The following ARMC8 variants were observed in gnomAD, a reference collection of about 807,000 sequenced individuals.
ARMC8 encodes armadillo repeat containing 8.
Under a neutral mutation model 99.3 loss-of-function variants are expected in ARMC8, and 20 were observed. That is an observed-to-expected ratio of 0.20 (90% confidence interval 0.14 to 0.29). The LOEUF (loss-of-function observed/expected upper bound fraction) is 0.29, where lower values mean the gene tolerates loss of function less well. Ranked by LOEUF, ARMC8 falls within the 10% of genes least tolerant of loss-of-function variation. The probability of loss-of-function intolerance (pLI) is 1.00; values close to 1 mark genes in which losing one functional copy is unlikely to be tolerated. For synonymous variants in ARMC8, 263 were observed against 278.3 expected (o/e 0.95, Z 0.55); for missense variants, 569 against 809.5 (o/e 0.70, Z 3.60).
At chr3:138,278,572 C>G (rs947415044) in intron 18 of ARMC8, among the ~76,000 whole-genome samples, 1 of 151,738 alleles carries the variant, frequency 6.6e-6, no homozygotes, top group Non-Finnish European at 1.5e-5. Flanking sequence ...TACTGTATTT[C>G]ATAATTCTGT....
intron 17 of ARMC8, among the ~76,000 whole-genome samples, chr3:138,273,471 C>T (rs2048974664): frequency 6.6e-6 from 1 of 152,208 alleles, no homozygotes; most frequent in Non-Finnish European, 1.5e-5. Flanking sequence ...TCTCTGGGGC[C>T]TCTGCTTCTT....
chr3:138,255,264 G>A (rs1275073618), intron 12 of ARMC8, among the ~76,000 whole-genome samples: 5 of 148,494 alleles, frequency 3.4e-5, no homozygotes, highest in African/African-American at 5.0e-5. Flanking sequence ...GTGCAGTGGC[G>A]TGATCTCGGC....
chr3:138,263,164 A>T (rs1346425645), intron 12 of ARMC8, among the ~76,000 whole-genome samples: 1 of 152,252 alleles, frequency 6.6e-6, no homozygotes, highest in Non-Finnish European at 1.5e-5. Context: ...GATGAAGGAA[A>T]ATTGCAGGTT....
rs2044597610 is a variant in ARMC8, at chr3:138,209,869, C to T, written c.98C>T (p.Pro33Leu). The T allele has an allele frequency of 6.2e-7, 1 of 1,613,626 alleles. No homozygotes were observed. The highest frequency in any genetic ancestry group is 2.2e-5 in the East Asian group (1 of 44,850). ...GTTGACAGGCTATTTGACCCTGATC[C>T]CCAGAAAGTTCTACAAGGTGTCATG... ...HYVDRLFDPD[P>L]QKVLQGVIDM... The change falls in exon 2 of 22, where the codon CCC (proline) becomes CTC (leucine). Residue 33 changes from proline to leucine, a missense_variant. Physicochemically the swap from Pro to Leu is moderately conservative, Grantham distance 98. Around this residue, in one of 2 missense-constraint regions of ARMC8, gnomAD observed 342 missense variants for 391.6 expected, o/e 0.87. Coordinates refer to ENST00000469044, the MANE Select transcript of ARMC8 (RefSeq NM_001363941.2).
At chr3:138,233,957 T>A (rs2046195379) in intron 6 of ARMC8, among the ~76,000 whole-genome samples, 1 of 152,240 alleles carries the variant, frequency 6.6e-6, no homozygotes, top group South Asian at 2.1e-4. Context: ...TTATGGCAAA[T>A]TTGAAGCTTT....
chr3:138,226,070 G>A (rs921537424), intron 5 of ARMC8, among the ~76,000 whole-genome samples: 3 of 152,154 alleles, frequency 2.0e-5, no homozygotes, highest in Admixed American at 6.5e-5. Flanking sequence ...TCGACTCACT[G>A]CAACCTCCAC....
At chr3:138,292,236 T>C (rs1052167332) in intron 21 of ARMC8, among the ~76,000 whole-genome samples, 3 of 151,954 alleles carry the variant, frequency 2.0e-5, no homozygotes, top group South Asian at 2.1e-4. Flanking sequence ...GACAGGGTTT[T>C]ACCATGTTGG....
intron 14 of ARMC8, among the ~76,000 whole-genome samples, chr3:138,266,724 T>G (rs545544192): frequency 2.0e-5 from 3 of 152,318 alleles, no homozygotes; most frequent in Admixed American, 2.0e-4. Context: ...CCTGCTTGAT[T>G]CGTCAGTGCT....
intron 6 of ARMC8, among the ~76,000 whole-genome samples, chr3:138,231,794 A>G (rs1235933522): frequency 1.3e-5 from 2 of 151,562 alleles, no homozygotes; most frequent in African/African-American, 4.9e-5. Flanking sequence ...GGGGGAAAAA[A>G]AAAAGACCAT....
chr3:138,231,851 C>T (rs1439599995), intron 6 of ARMC8, among the ~76,000 whole-genome samples: 1 of 151,664 alleles, frequency 6.6e-6, no homozygotes, highest in South Asian at 2.1e-4. Flanking sequence ...TCACTAACCA[C>T]CAGGTTCCTG....
chr3:138,294,707 G>A (rs1297223098), intron 21 of ARMC8, among the ~76,000 whole-genome samples: 2 of 152,056 alleles, frequency 1.3e-5, no homozygotes, highest in Non-Finnish European at 2.9e-5. Context: ...AGAGACCATT[G>A]CTGAAACCTG....
chr3:138,200,318 G>A (rs1187940795), intron 1 of ARMC8, among the ~76,000 whole-genome samples: 1 of 136,556 alleles, frequency 7.3e-6, no homozygotes, highest in South Asian at 2.1e-4. Context: ...GATATATGTT[G>A]TAATGTTTTT....
At position 138,296,220 on chromosome 3, in the gene ARMC8, G is replaced by T. The variant is rs1022180537; in HGVS notation, c.*328G>T. ...TTTGTGAGTGAGAATGAATATGTCT[G>T]TGTGAACACACAGGCATGCGTGTGT... On this transcript the variant is annotated 3_prime_UTR_variant, in exon 22 of 22. Coordinates refer to ENST00000469044, the MANE Select transcript of ARMC8 (RefSeq NM_001363941.2). 1 of 250,794 alleles carries T rather than the reference G, an allele frequency of 4.0e-6. No homozygotes were observed. The highest frequency in any genetic ancestry group is 2.3e-5 in the African/African-American group (1 of 44,052). 15.5% of individuals were successfully genotyped at this position (250,794 alleles called of 1,614,324 possible).
intron 12 of ARMC8, among the ~76,000 whole-genome samples, chr3:138,255,020 G>A (rs1369686408): frequency 2.0e-5 from 3 of 151,942 alleles, no homozygotes; most frequent in African/African-American, 4.8e-5. Flanking sequence ...CAGGCAGGCA[G>A]GCAGACCTAC....
rs191441269 is a variant in ARMC8 at position 138,222,802 on chromosome 3, A to G, written c.195-587A>G. ...AGGGTCCTGTCTTAGAACATAAGGTAGATGGTTATAAGTGGAGGAAGGTTA... is the reference window on the plus strand; with the variant it reads ...AGGGTCCTGTCTTAGAACATAAGGTGGATGGTTATAAGTGGAGGAAGGTTA... On this transcript the variant is annotated intron_variant, in intron 3 of 21. Coordinates refer to ENST00000469044, the MANE Select transcript of ARMC8 (RefSeq NM_001363941.2). Among the ~76,000 whole-genome samples, 338 of 152,300 alleles carry G rather than the reference A, an allele frequency of 2.2e-3. 1 individual carries two copies. Among genetic ancestry groups the G allele is most frequent in the Non-Finnish European group, 3.7e-3 (253 of 68,010 alleles).
intron 2 of ARMC8, among the ~76,000 whole-genome samples, chr3:138,217,076 A>G (rs1210750427): frequency 1.3e-5 from 2 of 152,220 alleles, no homozygotes; most frequent in African/African-American, 2.4e-5. Context: ...GCAATAAACT[A>G]TACCATATAG....
At chr3:138,204,935 G>A (rs2044275318) in intron 1 of ARMC8, among the ~76,000 whole-genome samples, 1 of 151,696 alleles carries the variant, frequency 6.6e-6, no homozygotes, top group Admixed American at 6.6e-5. Flanking sequence ...TCACTTGGAT[G>A]TCTAATATGA....
In ARMC8 at chr3:138,284,493, T is replaced by C. The variant is rs759127728; in HGVS notation, c.1788T>C (p.Asn596=). The C allele has an allele frequency of 6.8e-6, 11 of 1,613,380 alleles. No individual in the cohort carries two copies. The highest frequency in any genetic ancestry group is 9.3e-6 in the Non-Finnish European group (11 of 1,179,456). ...CAGCAAAAGATCTTATTATGACCAA[T>C]GATGATATCCTACAGAAAATCAAGT... The part of the protein sequence containing the change: ...GTTAKDLIMT[N]DDILQKIKYY... Residue 596 remains asparagine, a synonymous_variant, in exon 19 of 22, where the codon AAT becomes AAC. Transcript: ENST00000469044.
At chr3:138,239,221 T>G (rs2108164098) in intron 9 of ARMC8, 2 of 385,726 alleles carry the variant, frequency 5.2e-6, no homozygotes, top group South Asian at 7.0e-5. Context: ...TTTTTAAAAC[T>G]ATTTGGTAGG....
Sources: allele counts gnomAD v4.1 joint callset (sites outside exome capture counted in the v4.1 genomes callset), GRCh38; gene constraint gnomAD v4.1.1; regional missense constraint gnomAD v4.1.1; transcripts MANE v1.5; gene names NCBI Gene and HGNC (gene_info 2026-07-23, HGNC 2026-07-21).